LRRTM4: variants seen among roughly 807,000 people sequenced by gnomAD.
The protein encoded by LRRTM4 is leucine rich repeat transmembrane neuronal 4, also known as leucine-rich repeat transmembrane neuronal protein 4.
LRRTM4 carries 25 observed loss-of-function variants against 47.6 expected under a neutral mutation model. That is an observed-to-expected ratio of 0.53 (90% CI 0.38 to 0.73). The LOEUF (loss-of-function observed/expected upper bound fraction) is 0.73. LRRTM4 is among the 30% of genes least tolerant of loss of function. LRRTM4 has a pLI of 0.00. For synonymous variants in LRRTM4, 311 were observed against 269.5 expected (o/e 1.15, Z -1.51); for missense variants, 638 against 713.4 (o/e 0.89, Z 1.20).
At chr2:76,922,661 T>C (rs1674469200) in intron 3 of LRRTM4, among the ~76,000 whole-genome samples, 1 of 149,516 alleles carries the variant, frequency 6.7e-6, no homozygotes, top group Middle Eastern at 3.2e-3. Context: ...AAGCATAAAC[T>C]TTTAGGTATA....
chr2:77,505,231 T>G (rs1182765096), intron 3 of LRRTM4, among the ~76,000 whole-genome samples: 3 of 150,970 alleles, frequency 2.0e-5, no homozygotes, highest in Admixed American at 6.6e-5. Flanking sequence ...ATAAAATTCA[T>G]AAAATCAAAA....
At chr2:76,817,216 T>C (rs984139433) in intron 3 of LRRTM4, among the ~76,000 whole-genome samples, 1 of 151,986 alleles carries the variant, frequency 6.6e-6, no homozygotes, top group Non-Finnish European at 1.5e-5. Context: ...TTGTTTTTAG[T>C]ATCAATGAAT....
chr2:77,267,339 A>T (rs77807921), intron 3 of LRRTM4, among the ~76,000 whole-genome samples: 270 of 152,274 alleles, frequency 1.8e-3, no homozygotes, highest in African/African-American at 6.2e-3. Context: ...GCCCTCTAGT[A>T]TAAGATCAAG....
intron 3 of LRRTM4, among the ~76,000 whole-genome samples, chr2:76,978,547 T>C (rs1265260877): frequency 2.0e-5 from 3 of 152,056 alleles, no homozygotes; most frequent in Non-Finnish European, 2.9e-5. Context: ...TAGAGAGACA[T>C]GGAATAAAAA....
At chr2:76,771,064 C>G (rs1373907517) in intron 3 of LRRTM4, among the ~76,000 whole-genome samples, 1 of 152,180 alleles carries the variant, frequency 6.6e-6, no homozygotes, top group Admixed American at 6.5e-5. Flanking sequence ...TTATTCCTAG[C>G]TCCTTAACAT....
At chr2:77,404,657 T>C (rs529406380) in intron 3 of LRRTM4, among the ~76,000 whole-genome samples, 2 of 152,246 alleles carry the variant, frequency 1.3e-5, no homozygotes, top group East Asian at 3.9e-4. Flanking sequence ...CTCACTACCT[T>C]AGCTTACTGA....
At chr2:77,171,087 T>TA (rs1356108688) in intron 3 of LRRTM4, among the ~76,000 whole-genome samples, 1 of 152,052 alleles carries the variant, frequency 6.6e-6, no homozygotes, top group Non-Finnish European at 1.5e-5. Context: ...AAACCTTACT[T>TA]ACTAATGTTG....
intron 3 of LRRTM4, among the ~76,000 whole-genome samples, chr2:77,489,074 CCTA>C (rs1678037793): frequency 6.6e-6 from 1 of 151,950 alleles, no homozygotes; most frequent in South Asian, 2.1e-4. Context: ...TTACCAAAAA[CCTA>C]CTATTTTATC....
At chr2:76,891,598 A>C (rs761908292) in intron 3 of LRRTM4, among the ~76,000 whole-genome samples, 2 of 151,824 alleles carry the variant, frequency 1.3e-5, no homozygotes, top group Non-Finnish European at 2.9e-5. Flanking sequence ...GCATTATAAA[A>C]GTAACATTTC....
intron 3 of LRRTM4, among the ~76,000 whole-genome samples, chr2:76,817,268 G>C (rs1670929484): frequency 6.6e-6 from 1 of 151,642 alleles, no homozygotes; most frequent in Non-Finnish European, 1.5e-5. Context: ...ATATATGGCA[G>C]GAAGTGATAT....
At chr2:77,122,933 C>T (rs976369679) in intron 3 of LRRTM4, among the ~76,000 whole-genome samples, 5 of 151,688 alleles carry the variant, frequency 3.3e-5, no homozygotes, top group Admixed American at 6.6e-5. Flanking sequence ...ATTTAGGACA[C>T]GTCAAGTTTT....
intron 3 of LRRTM4, among the ~76,000 whole-genome samples, chr2:77,101,856 C>T (rs1163146386): frequency 6.6e-6 from 1 of 152,186 alleles, no homozygotes; most frequent in East Asian, 1.9e-4. Context: ...CATGTTGCTG[C>T]TAAGCTTTTG....
At chr2:76,930,125 C>T (rs1674722782) in intron 3 of LRRTM4, among the ~76,000 whole-genome samples, 1 of 152,048 alleles carries the variant, frequency 6.6e-6, no homozygotes, top group Non-Finnish European at 1.5e-5. Context: ...TTTCTAACAG[C>T]CAATCCACAA....
At chr2:77,189,648 TC>T (rs1473375337) in intron 3 of LRRTM4, among the ~76,000 whole-genome samples, 7 of 152,130 alleles carry the variant, frequency 4.6e-5, no homozygotes, top group Non-Finnish European at 1.0e-4. Flanking sequence ...ATCTTACACT[TC>T]CAGTCTTCAG....
intron 3 of LRRTM4, among the ~76,000 whole-genome samples, chr2:77,297,624 G>A (rs1183839752): frequency 6.6e-6 from 1 of 152,090 alleles, no homozygotes; most frequent in African/African-American, 2.4e-5. Flanking sequence ...TACACCATGG[G>A]GTTCTTCTCC....
rs1491583250 is a variant in LRRTM4 at position 77,362,174 on chromosome 2, G to GA, written c.1551+156143dup. 3.7e-3 allele frequency among the ~76,000 whole-genome samples: 295 copies of GA among 78,892 alleles called. 1 individual carries two copies. The highest frequency in any genetic ancestry group is 5.3e-3 in the South Asian group (11 of 2,090). The allele number at this position is 78,892 out of a possible 152,430, so 51.8% of individuals were successfully genotyped here. Reference sequence around the variant, plus strand: ...GAAAGAAAGAAAGAAAGAAAGAAAGGAAGGAAGGAAGAGTTCTTAATGTCC... The same window carrying GA: ...GAAAGAAAGAAAGAAAGAAAGAAAGGAAAGGAAGGAAGAGTTCTTAATGTCC... On this transcript the variant is annotated intron_variant, in intron 3 of 3. Transcript: ENST00000409884.
intron 3 of LRRTM4, among the ~76,000 whole-genome samples, chr2:77,068,752 A>T (rs1391783125): frequency 6.6e-6 from 1 of 152,312 alleles, no homozygotes; most frequent in Middle Eastern, 3.4e-3. Flanking sequence ...GGCCCCCCAA[A>T]ATCTGGCCAT....
At chr2:76,819,709 C>T (rs1671000748) in intron 3 of LRRTM4, among the ~76,000 whole-genome samples, 2 of 151,912 alleles carry the variant, frequency 1.3e-5, no homozygotes, top group African/African-American at 2.4e-5. Context: ...CTCAGCCTAC[C>T]AGTGCAATCA....
rs1676408152 is a variant in LRRTM4 at position 76,976,040 on chromosome 2, ACTTT to A, written c.1552-227128_1552-227125del. Reference sequence around the variant, plus strand: ...TGGTGTTTCCTTCTATTGAATTATAACTTTCCTTATGATGAATATGGTCCTATTG... The same window carrying A: ...TGGTGTTTCCTTCTATTGAATTATAACCTTATGATGAATATGGTCCTATTG... On this transcript the variant is annotated intron_variant, in intron 3 of 3. Coordinates refer to ENST00000409884, the MANE Select transcript of LRRTM4 (RefSeq NM_001134745.3). 2.0e-5 allele frequency among the ~76,000 whole-genome samples: 3 copies of A among 151,670 alleles called. No homozygotes were observed. In the South Asian group the frequency reaches 6.2e-4, roughly 31 times the overall value.
Sources: allele counts gnomAD v4.1 joint callset (sites outside exome capture counted in the v4.1 genomes callset), GRCh38; gene constraint gnomAD v4.1.1; transcripts MANE v1.5; gene names NCBI Gene and HGNC (gene_info 2026-07-23, HGNC 2026-07-21).